PAXIP1: variants seen among roughly 807,000 people sequenced by gnomAD.
PAXIP1 encodes the protein PAX interacting protein 1.
PAXIP1 carries 19 observed loss-of-function variants against 140.6 expected under a neutral mutation model. The ratio of observed to expected loss-of-function variants is 0.14; its 90% confidence interval spans 0.09 to 0.20. PAXIP1 has a LOEUF of 0.20. Ranked by LOEUF, PAXIP1 falls within the 10% of genes least tolerant of loss-of-function variation. PAXIP1 has a pLI of 1.00. For synonymous variants in PAXIP1, 442 were observed against 444.6 expected, an observed-to-expected ratio of 0.99 and a Z score of 0.07; for missense variants, 920 against 1,208.6, an observed-to-expected ratio of 0.76 and a Z score of 3.54.
At chr7:154,962,188 G>A (rs750158736) in intron 10 of PAXIP1, 133 bp downstream of exon 10, 1 of 890,082 alleles carries the variant, frequency 1.1e-6, no homozygotes, top group Non-Finnish European at 1.7e-6. Context: ...AGGCACTTAT[G>A]AACTGGGCAA....
chr7:154,944,617 C>T (rs1183648227), intron 20 of PAXIP1: 2 of 153,742 alleles, frequency 1.3e-5, no homozygotes, highest in East Asian at 3.8e-4. Flanking sequence ...AAAAGGCCCC[C>T]AAGGTAATAC....
chr7:154,994,738 T>C (rs976691618), intron 2 of PAXIP1, among the ~76,000 whole-genome samples: 3 of 152,182 alleles, frequency 2.0e-5, no homozygotes, highest in African/African-American at 7.2e-5. Context: ...ATATTTTCTG[T>C]GAGAAGAGGA....
At chr7:154,980,172 C>A (rs1283403217) in intron 5 of PAXIP1, among the ~76,000 whole-genome samples, 1 of 151,746 alleles carries the variant, frequency 6.6e-6, no homozygotes, top group Non-Finnish European at 1.5e-5. Context: ...GAGGTATGTA[C>A]TTAATTTTCC....
chr7:154,954,745 G>A lies in PAXIP1; in HGVS notation c.2653-322C>T, dbSNP rs73492071. On this transcript the variant is annotated intron_variant, in intron 15 of 20. Coordinates refer to ENST00000404141, the MANE Select transcript of PAXIP1 (RefSeq NM_007349.4). This position sits in a 1 kb window ranked among gnomAD's most constrained non-coding sequence, Gnocchi z 5.1. ...GATGCAGCTCACTTCACAATGAAGA[G>A]TAAACAGCCAAGACTTCCTAGGCCA... 0.019 allele frequency among the ~76,000 whole-genome samples: 2,824 copies of A among 152,276 alleles called. 96 individuals carry two copies. Among genetic ancestry groups the A allele is most frequent in the African/African-American group, 0.064 (2,673 of 41,546 alleles).
At chr7:154,978,408 CA>C (rs760079376) in intron 5 of PAXIP1, among the ~76,000 whole-genome samples, 3 of 152,172 alleles carry the variant, frequency 2.0e-5, no homozygotes, top group Non-Finnish European at 4.4e-5. Flanking sequence ...AAGGCTATTC[CA>C]ATTACACTTC....
chr7:154,945,613 C>G (rs1347454041), intron 20 of PAXIP1: 12 of 891,458 alleles, frequency 1.3e-5, no homozygotes, highest in African/African-American at 6.0e-5. Flanking sequence ...CCCACCCTCA[C>G]AGAGAGGAGG....
intron 12 of PAXIP1, among the ~76,000 whole-genome samples, chr7:154,960,431 A>C (rs1167664460): frequency 6.6e-6 from 1 of 152,242 alleles, no homozygotes; most frequent in African/African-American, 2.4e-5. Flanking sequence ...TAGGGTAGGG[A>C]GCAATTTGGA....
chr7:154,946,448 CT>C lies in PAXIP1; in HGVS notation c.3134-24del. ...CATCTGAACAGGGTGGAAACAGACACTTTAGTTAGAGATCCACTGCTGTGCG... is the reference window on the plus strand; with the variant it reads ...CATCTGAACAGGGTGGAAACAGACACTTAGTTAGAGATCCACTGCTGTGCG... On this transcript the variant is annotated intron_variant, in intron 19 of 20. Transcript: ENST00000404141. This position sits in a 1 kb window ranked among gnomAD's most constrained non-coding sequence, Gnocchi z 4.9. The C allele has an allele frequency of 6.2e-7, 1 of 1,612,396 alleles. No individual in the cohort carries two copies. The highest frequency in any genetic ancestry group is 8.5e-7 in the Non-Finnish European group (1 of 1,178,392).
chr7:154,979,872 C>T (rs1216646997), intron 5 of PAXIP1, among the ~76,000 whole-genome samples: 1 of 152,122 alleles, frequency 6.6e-6, no homozygotes, highest in African/African-American at 2.4e-5. Flanking sequence ...AGGAATGAAA[C>T]ACTATTGCCT....
At chr7:154,966,474 G>A (rs1428175957) in intron 8 of PAXIP1, among the ~76,000 whole-genome samples, 1 of 152,114 alleles carries the variant, frequency 6.6e-6, no homozygotes, top group East Asian at 1.9e-4. Flanking sequence ...CATTTTCTCT[G>A]TTCCCAAGAT....
At chr7:154,984,511 C>T (rs1809980356) in intron 4 of PAXIP1, among the ~76,000 whole-genome samples, 4 of 152,188 alleles carry the variant, frequency 2.6e-5, no homozygotes, top group Admixed American at 2.6e-4. Flanking sequence ...CTACTCTCAT[C>T]CATTTTACAA....
Position 154,963,970 on chromosome 7 carries a change from T to G in PAXIP1, c.1894-204A>C, listed in dbSNP as rs1400541141. 6.7e-5 allele frequency: 36 copies of G among 538,212 alleles called. No homozygotes were observed. Among genetic ancestry groups the G allele is most frequent in the Non-Finnish European group, 1.1e-4 (34 of 297,808 alleles). The allele number at this position is 538,212 out of a possible 1,614,324, so 33.3% of individuals were successfully genotyped here. ...GAAAATGAACTCCAATACTCTAAATTTAATCTGAATTCCCAGGATACAAGA... is the reference window on the plus strand; with the variant it reads ...GAAAATGAACTCCAATACTCTAAATGTAATCTGAATTCCCAGGATACAAGA... On this transcript the variant is annotated intron_variant, in intron 8 of 20. Transcript: ENST00000404141. The surrounding 1 kb of genome is among the most constrained non-coding windows in gnomAD (Gnocchi z 4.1).
intron 5 of PAXIP1, among the ~76,000 whole-genome samples, chr7:154,982,161 C>G (rs1176915738): frequency 1.3e-5 from 2 of 152,140 alleles, no homozygotes; most frequent in African/African-American, 4.8e-5. Context: ...CTGTTTATTA[C>G]TTAAACTGTC....
chr7:154,955,280 A>G (rs1808453496), intron 15 of PAXIP1, among the ~76,000 whole-genome samples: 1 of 152,236 alleles, frequency 6.6e-6, no homozygotes, highest in African/African-American at 2.4e-5. Context: ...GACTATTAAC[A>G]TGGTTCCTGG....
At position 154,954,517 on chromosome 7, in the gene PAXIP1, A is replaced by C; in HGVS notation, c.2653-94T>G. 1 of 837,152 alleles carries C rather than the reference A, an allele frequency of 1.2e-6. No homozygotes were observed. Among genetic ancestry groups the C allele is most frequent in the Non-Finnish European group, 1.6e-6 (1 of 606,958 alleles). 51.9% of individuals were successfully genotyped at this position (837,152 alleles called of 1,614,324 possible). A position where few individuals can be genotyped will look rare whatever the true frequency, so the allele number is the denominator to read the frequency against. ...AACACAGAGGAATATCTACCTAAAG[A>C]CAAGGTTTATGACTGTAATTCTCAG... On this transcript the variant is annotated intron_variant, in intron 15 of 20. Coordinates refer to ENST00000404141, the MANE Select transcript of PAXIP1 (RefSeq NM_007349.4). This position sits in a 1 kb window ranked among gnomAD's most constrained non-coding sequence, Gnocchi z 5.1.
chr7:154,948,344 G>A (rs916181178), intron 16 of PAXIP1: 8 of 268,976 alleles, frequency 3.0e-5, no homozygotes, highest in East Asian at 9.0e-5. Context: ...CCAGGAGTTC[G>A]AGAACAGCCT....
intron 5 of PAXIP1, among the ~76,000 whole-genome samples, chr7:154,978,477 T>C (rs1050072707): frequency 1.8e-4 from 27 of 152,234 alleles, no homozygotes; most frequent in Non-Finnish European, 4.0e-4. Context: ...AAATGTCTTA[T>C]TCTTTACCCT....
chr7:154,981,971 T>C (rs750042273), intron 5 of PAXIP1, among the ~76,000 whole-genome samples: 48 of 152,142 alleles, frequency 3.2e-4, no homozygotes, highest in Non-Finnish European at 6.5e-4. Flanking sequence ...AAATCACAAT[T>C]CAAAACCGCT....
At position 154,993,775 on chromosome 7, in the gene PAXIP1, A is replaced by G; in HGVS notation, c.217-6T>C. On this transcript the variant is annotated splice_region_variant and splice_polypyrimidine_tract_variant and intron_variant, in intron 2 of 20. Transcript: ENST00000404141. ...GACAGAATCACCCAAGAAGGCTGAA[A>G]AAGAAAAGATTAAATCAAAAAGTAT... 1 of 1,576,706 alleles carries G rather than the reference A, an allele frequency of 6.3e-7. No individual in the cohort carries two copies. The highest frequency in any genetic ancestry group is 8.6e-7 in the Non-Finnish European group (1 of 1,161,578).
Sources: allele counts gnomAD v4.1 joint callset (sites outside exome capture counted in the v4.1 genomes callset), GRCh38; gene constraint gnomAD v4.1.1; non-coding constraint Gnocchi (gnomAD v3.1); transcripts MANE v1.5; gene names NCBI Gene and HGNC (gene_info 2026-07-23, HGNC 2026-07-21).